Variants in PARK7 observed in about 807,000 individuals in gnomAD.
The protein encoded by PARK7 is Parkinson disease protein 7.
In PARK7, 14 loss-of-function variants were observed where a neutral mutation model predicts 20.5. The observed-to-expected ratio is 0.68, with a 90% CI of 0.45 to 1.07. The LOEUF (loss-of-function observed/expected upper bound fraction) is 1.07, where lower values mean the gene tolerates loss of function less well. Ranked by LOEUF, PARK7 falls within the 50% of genes least tolerant of loss-of-function variation. The probability of loss-of-function intolerance (pLI) is 0.00; values close to 1 mark genes in which losing one functional copy is unlikely to be tolerated. For missense variants in PARK7, 234 were observed against 238.1 expected (o/e 0.98, Z 0.11); for synonymous variants, 98 against 84.3 (o/e 1.16, Z -0.89).
At chr1:7,973,351 G>A (rs1410792552) in intron 5 of PARK7, among the ~76,000 whole-genome samples, 1 of 152,222 alleles carries the variant, frequency 6.6e-6, no homozygotes, top group Non-Finnish European at 1.5e-5. Flanking sequence ...GTTTTCTTTG[G>A]CTCTGCTGCT....
chr1:7,980,812 T>C (rs1640694462), intron 6 of PARK7, among the ~76,000 whole-genome samples: 1 of 152,218 alleles, frequency 6.6e-6, no homozygotes, highest in Non-Finnish European at 1.5e-5. Context: ...GAAAGATCAG[T>C]GTGACAGTTT....
At chr1:7,983,796 AAGG>A (rs1640760693) in intron 6 of PARK7, among the ~76,000 whole-genome samples, 1 of 152,206 alleles carries the variant, frequency 6.6e-6, no homozygotes, top group Admixed American at 6.5e-5. Context: ...ACAGGCGAGA[AAGG>A]AGATCGAGTC....
At chr1:7,982,484 G>A (rs1053412915) in intron 6 of PARK7, among the ~76,000 whole-genome samples, 5 of 152,182 alleles carry the variant, frequency 3.3e-5, no homozygotes, top group African/African-American at 1.2e-4. Flanking sequence ...TTCGCCACTA[G>A]GTGGAGGCAG....
At chr1:7,977,595 T>A in intron 5 of PARK7, 57 bp from the exon 6 acceptor site, 2 of 1,522,014 alleles carry the variant, frequency 1.3e-6, no homozygotes, top group Non-Finnish European at 1.8e-6. Context: ...CTATTGCGAT[T>A]TTTTAAACAT....
intron 5 of PARK7, among the ~76,000 whole-genome samples, chr1:7,975,690 C>T (rs995874787): frequency 6.6e-6 from 1 of 152,158 alleles, no homozygotes; most frequent in Admixed American, 6.5e-5. Flanking sequence ...TTATTCACAT[C>T]GTAGCAGTGA....
intron 2 of PARK7, among the ~76,000 whole-genome samples, chr1:7,964,364 C>G (rs1640281626): frequency 6.6e-6 from 1 of 152,140 alleles, no homozygotes; most frequent in Admixed American, 6.6e-5. Flanking sequence ...GTACAAAAGC[C>G]AGAACTCAGA....
Position 7,962,826 on chromosome 1 carries a change from C to G in PARK7, c.41C>G (p.Ala14Gly). 6.2e-7 allele frequency: 1 copy of G among 1,610,482 alleles called. No individual in the cohort carries two copies. Among genetic ancestry groups the G allele is most frequent in the Non-Finnish European group, 8.5e-7 (1 of 1,179,546 alleles). The stretch of plus-strand genomic sequence containing the variant: ...GCTCTGGTCATCCTGGCTAAAGGAG[C>G]AGAGGAAATGGAGACGGTCATCCCT... ...KRALVILAKG[A>G]EEMETVIPVD... Residue 14 changes from alanine (A) to glycine (G), a missense_variant, in exon 2 of 7, where the codon GCA becomes GGA. Transcript: ENST00000338639.
chr1:7,976,489 A>G (rs1012524893), intron 5 of PARK7, among the ~76,000 whole-genome samples: 37 of 152,184 alleles, frequency 2.4e-4, no homozygotes, highest in African/African-American at 8.4e-4. Flanking sequence ...TTAAATAAAA[A>G]TCTCAAGTTA....
intron 5 of PARK7, among the ~76,000 whole-genome samples, chr1:7,975,066 G>A (rs1457958660): frequency 6.6e-6 from 1 of 151,984 alleles, no homozygotes; most frequent in Non-Finnish European, 1.5e-5. Context: ...ATGTTAGCCA[G>A]GCTGGTCTCG....
intron 6 of PARK7, among the ~76,000 whole-genome samples, chr1:7,980,890 T>A (rs1352877042): frequency 2.0e-5 from 3 of 152,068 alleles, no homozygotes; most frequent in Non-Finnish European, 1.5e-5. Flanking sequence ...TTTTTTTTGA[T>A]AGATTCAGGG....
intron 6 of PARK7, among the ~76,000 whole-genome samples, chr1:7,979,458 A>G (rs1640665452): frequency 6.6e-6 from 1 of 152,148 alleles, no homozygotes; most frequent in African/African-American, 2.4e-5. Flanking sequence ...ATACAGTTAC[A>G]TTTGATCCAG....
At position 7,984,551 on chromosome 1, in the gene PARK7, C is replaced by T. The variant is rs1215351925; in HGVS notation, c.410-343C>T. ...AGCGCTGCCGCATCCCTTCACCCTTCCCCGGCACTTCAGAATTGACACTTG... is the reference window on the plus strand; with the variant it reads ...AGCGCTGCCGCATCCCTTCACCCTTTCCCGGCACTTCAGAATTGACACTTG... On this transcript the variant is annotated intron_variant, in intron 6 of 6. Coordinates refer to ENST00000338639, the MANE Select transcript of PARK7 (RefSeq NM_007262.5). This position sits in a 1 kb window ranked among gnomAD's most constrained non-coding sequence, Gnocchi z 4.3. Among the ~76,000 whole-genome samples, 2 of 152,212 alleles carry T rather than the reference C, an allele frequency of 1.3e-5. No individual in the cohort carries two copies. Among genetic ancestry groups the T allele is most frequent in the Non-Finnish European group, 2.9e-5 (2 of 68,042 alleles).
chr1:7,982,241 C>T (rs1350021739), intron 6 of PARK7, among the ~76,000 whole-genome samples: 3 of 151,340 alleles, frequency 2.0e-5, no homozygotes, highest in Admixed American at 6.6e-5. Context: ...CCTGCCTTGG[C>T]GTCCCAGAGT....
In PARK7 at chr1:7,962,783, A is replaced by T. The variant is rs774674506; in HGVS notation, c.-3A>T. 1 of 1,611,246 alleles carries T rather than the reference A, an allele frequency of 6.2e-7. No homozygotes were observed. The highest frequency in any genetic ancestry group is 1.1e-5 in the South Asian group (1 of 90,978). On this transcript the variant is annotated 5_prime_UTR_variant, in exon 2 of 7. Coordinates refer to ENST00000338639, the MANE Select transcript of PARK7 (RefSeq NM_007262.5). ...TTAAGGCTTGTAAACATATAACATA[A>T]AAATGGCTTCCAAAAGAGCTCTGGT... is the stretch of plus-strand genomic sequence containing the variant.
chr1:7,965,013 A>G (rs1164039870), intron 2 of PARK7, among the ~76,000 whole-genome samples: 2 of 152,188 alleles, frequency 1.3e-5, no homozygotes, highest in African/African-American at 2.4e-5. Context: ...CCAGTGTATT[A>G]GCTTAAATTT....
intron 6 of PARK7, among the ~76,000 whole-genome samples, chr1:7,979,647 T>G (rs1326873962): frequency 1.3e-5 from 2 of 152,104 alleles, no homozygotes; most frequent in African/African-American, 4.8e-5. Flanking sequence ...ACTATGGGTA[T>G]GAGCCACCAC....
At chr1:7,980,747 C>T (rs1185784359) in intron 6 of PARK7, among the ~76,000 whole-genome samples, 1 of 152,232 alleles carries the variant, frequency 6.6e-6, no homozygotes, top group Non-Finnish European at 1.5e-5. Context: ...GGTAGGGCTG[C>T]AGTCATCACC....
Position 7,970,107 on chromosome 1 carries a change from A to G in PARK7, c.252+703A>G, listed in dbSNP as rs576161545. Among the ~76,000 whole-genome samples, 19 of 152,190 alleles carry G rather than the reference A, an allele frequency of 1.2e-4. No individual in the cohort carries two copies. In the East Asian group the frequency reaches 3.7e-3, roughly 29 times the overall value. ...CTACTCGGGAGGCTATGGTGGGAGG[A>G]TGACTTGAGGCCAGGGATTTGAGGC... is the stretch of plus-strand genomic sequence containing the variant. On this transcript the variant is annotated intron_variant, in intron 4 of 6. Transcript: ENST00000338639.
chr1:7,977,021 A>C (rs1334730400), intron 5 of PARK7, among the ~76,000 whole-genome samples: 1 of 151,828 alleles, frequency 6.6e-6, no homozygotes, highest in Non-Finnish European at 1.5e-5. Context: ...TGCCCGGCCT[A>C]ATTTCCCATT....
Sources: gnomAD v4.1 joint callset for allele counts (sites outside exome capture counted in the v4.1 genomes callset) on GRCh38, gnomAD v4.1.1 for gene constraint, Gnocchi (gnomAD v3.1) non-coding constraint, MANE v1.5 for transcripts, NCBI Gene and HGNC (gene_info 2026-07-23, HGNC 2026-07-21) for gene names.